PDE7B: variants seen among roughly 807,000 people sequenced by gnomAD.
PDE7B encodes phosphodiesterase 7B, also known as 3',5'-cyclic-AMP phosphodiesterase 7B.
Under a neutral mutation model 56.2 loss-of-function variants are expected in PDE7B, and 29 were observed. The observed-to-expected ratio is 0.52, with a 90% CI of 0.38 to 0.70. The LOEUF (loss-of-function observed/expected upper bound fraction) is 0.70. PDE7B is among the 30% of genes least tolerant of loss of function. The pLI, the probability that PDE7B is intolerant of heterozygous loss-of-function variation, is 0.00. For missense variants in PDE7B, 490 were observed against 565.0 expected, an observed-to-expected ratio of 0.87 and a Z score of 1.35; for synonymous variants, 197 against 196.9, an observed-to-expected ratio of 1.00 and a Z score of 0.00.
intron 2 of PDE7B, among the ~76,000 whole-genome samples, chr6:135,956,993 A>G (rs1278516750): frequency 6.6e-6 from 1 of 152,120 alleles, no homozygotes; most frequent in East Asian, 1.9e-4. Flanking sequence ...TTCTTAGGAT[A>G]GGAAGGATTT....
At chr6:136,132,634 A>G (rs2128444848) in intron 3 of PDE7B, among the ~76,000 whole-genome samples, 1 of 152,302 alleles carries the variant, frequency 6.6e-6, no homozygotes, top group Non-Finnish European at 1.5e-5. Flanking sequence ...TTTTGATTCC[A>G]TCACCCCAGC....
At chr6:136,066,656 A>G (rs1255633181) in intron 2 of PDE7B, among the ~76,000 whole-genome samples, 1 of 152,194 alleles carries the variant, frequency 6.6e-6, no homozygotes, top group African/African-American at 2.4e-5. Flanking sequence ...ACCTTCAGGT[A>G]TGCAATATAT....
intron 2 of PDE7B, among the ~76,000 whole-genome samples, chr6:136,085,961 A>C (rs1377992633): frequency 6.6e-6 from 1 of 152,146 alleles, no homozygotes; most frequent in Non-Finnish European, 1.5e-5. Context: ...TGGATTACTC[A>C]TCCTTAGAAT....
At chr6:136,051,355 A>C (rs532476158) in intron 2 of PDE7B, among the ~76,000 whole-genome samples, 1 of 152,356 alleles carries the variant, frequency 6.6e-6, no homozygotes, top group East Asian at 1.9e-4. Context: ...AGCAGTTTAG[A>C]TAAGTCAGAT....
intron 1 of PDE7B, among the ~76,000 whole-genome samples, chr6:135,902,622 C>G (rs983997455): frequency 6.6e-6 from 1 of 152,090 alleles, no homozygotes; most frequent in Non-Finnish European, 1.5e-5. Context: ...AAAAATATAT[C>G]TACTTTTTCT....
intron 2 of PDE7B, among the ~76,000 whole-genome samples, chr6:135,972,233 CAAAAAAAAAA>C (rs72005772): frequency 3.1e-5 from 2 of 65,190 alleles, no homozygotes; most frequent in African/African-American, 1.2e-4. Context: ...AAACTGTTCT[CAAAAAAAAAA>C]AAAAAAAAAA....
intron 2 of PDE7B, chr6:136,098,161 T>A (rs1777502387): frequency 7.9e-6 from 1 of 127,348 alleles, no homozygotes. Flanking sequence ...TATATGTATA[T>A]ATATACACAC....
chr6:135,893,403 AT>A (rs891387539), intron 1 of PDE7B, among the ~76,000 whole-genome samples: 2 of 151,890 alleles, frequency 1.3e-5, no homozygotes, highest in African/African-American at 4.8e-5. Flanking sequence ...TGAACTCATC[AT>A]TTTTTATGGC....
intron 2 of PDE7B, among the ~76,000 whole-genome samples, chr6:135,994,426 A>C (rs745702340): frequency 6.6e-6 from 1 of 152,236 alleles, no homozygotes; most frequent in African/African-American, 2.4e-5. Flanking sequence ...TATTTCACCA[A>C]AGATACATTT....
chr6:136,011,660 C>T (rs1377902906), intron 2 of PDE7B, among the ~76,000 whole-genome samples: 1 of 152,096 alleles, frequency 6.6e-6, no homozygotes, highest in Non-Finnish European at 1.5e-5. Flanking sequence ...AGGGAAGCAT[C>T]CCAGTATGTG....
At chr6:136,056,428 C>A (rs948874109) in intron 2 of PDE7B, among the ~76,000 whole-genome samples, 4 of 146,976 alleles carry the variant, frequency 2.7e-5, no homozygotes, top group Non-Finnish European at 4.5e-5. Context: ...TGCTTTTTGG[C>A]AATTGCCCTA....
chr6:136,039,512 A>G (rs930288578), intron 2 of PDE7B, among the ~76,000 whole-genome samples: 6 of 152,248 alleles, frequency 3.9e-5, no homozygotes, highest in Non-Finnish European at 7.3e-5. Flanking sequence ...GAAACAGAGT[A>G]GGAAATAAAA....
At chr6:135,873,268 C>G (rs1321115494) in intron 1 of PDE7B, among the ~76,000 whole-genome samples, 1 of 152,168 alleles carries the variant, frequency 6.6e-6, no homozygotes, top group Non-Finnish European at 1.5e-5. Flanking sequence ...TTCACAAACA[C>G]AAAATGACAT....
At chr6:136,068,431 T>C (rs1007650756) in intron 2 of PDE7B, among the ~76,000 whole-genome samples, 1 of 137,336 alleles carries the variant, frequency 7.3e-6, no homozygotes, top group Non-Finnish European at 1.6e-5. Context: ...TCCTTTTTTT[T>C]TTTTTTTTTT....
chr6:135,854,737 C>A (rs1774994884), intron 1 of PDE7B, among the ~76,000 whole-genome samples: 1 of 152,168 alleles, frequency 6.6e-6, no homozygotes, highest in Admixed American at 6.5e-5. Flanking sequence ...CTCTAGGAAT[C>A]CCCTCTTTGA....
At chr6:135,860,549 A>G (rs975683261) in intron 1 of PDE7B, among the ~76,000 whole-genome samples, 1 of 152,008 alleles carries the variant, frequency 6.6e-6, no homozygotes, top group East Asian at 1.9e-4. Context: ...GACATTCAGT[A>G]TGGTTCATTT....
Position 136,129,520 on chromosome 6 carries a change from T to C in PDE7B, c.167-17831T>C, listed in dbSNP as rs148635409. ...TCCCCACTCCCCACCCGAAGGCCACTGTTTTTGGCTCTTGCTGCTATGGAA... is the reference window on the plus strand; with the variant it reads ...TCCCCACTCCCCACCCGAAGGCCACCGTTTTTGGCTCTTGCTGCTATGGAA... On this transcript the variant is annotated intron_variant, in intron 3 of 12. Transcript: ENST00000308191. Among the ~76,000 whole-genome samples the C allele has an allele frequency of 3.9e-3, 596 of 152,284 alleles. 2 individuals are homozygous for C. The highest frequency in any genetic ancestry group is 7.1e-3 in the Non-Finnish European group (486 of 68,024).
At chr6:136,132,271 T>C (rs1778131017) in intron 3 of PDE7B, among the ~76,000 whole-genome samples, 1 of 152,150 alleles carries the variant, frequency 6.6e-6, no homozygotes, top group South Asian at 2.1e-4. Context: ...ACTATACCTT[T>C]TTTTTAAAGT....
chr6:136,115,874 C>T (rs1777822208), intron 3 of PDE7B, among the ~76,000 whole-genome samples: 1 of 152,108 alleles, frequency 6.6e-6, no homozygotes, highest in African/African-American at 2.4e-5. Flanking sequence ...AGACACCAAA[C>T]AAAAATATCT....
Sources: gnomAD v4.1 joint callset for allele counts (sites outside exome capture counted in the v4.1 genomes callset) on GRCh38, gnomAD v4.1.1 for gene constraint, MANE v1.5 for transcripts, NCBI Gene and HGNC (gene_info 2026-07-23, HGNC 2026-07-21) for gene names.